HPSE2: variants seen among roughly 807,000 people sequenced by gnomAD.
HPSE2 encodes the protein inactive heparanase-2.
Under a neutral mutation model 60.5 loss-of-function variants are expected in HPSE2, and 38 were observed. The ratio of observed to expected loss-of-function variants is 0.63; its 90% CI spans 0.48 to 0.82. The LOEUF is 0.82. Among genes scored for constraint, HPSE2 ranks in the 40% least tolerant of loss-of-function variants. The pLI, the probability that HPSE2 is intolerant of heterozygous loss-of-function variation, is 0.00. For synonymous variants in HPSE2, 295 were observed against 293.2 expected (o/e 1.01, Z -0.06); for missense variants, 713 against 740.4 (o/e 0.96, Z 0.43).
chr10:98,981,534 C>T (rs1956206873), intron 3 of HPSE2, among the ~76,000 whole-genome samples: 1 of 152,130 alleles, frequency 6.6e-6, no homozygotes, highest in Non-Finnish European at 1.5e-5. Context: ...TGTTTACAGA[C>T]AGGTTCAAGA....
intron 3 of HPSE2, among the ~76,000 whole-genome samples, chr10:99,022,152 T>C (rs1007444386): frequency 4.0e-5 from 6 of 149,352 alleles, no homozygotes; most frequent in African/African-American, 1.5e-4. Flanking sequence ...CTACCAGCAG[T>C]GGCAGCTTGG....
At chr10:99,249,201 T>C in the HPSE2 span, among the ~76,000 whole-genome samples, 1 of 152,192 alleles carries the variant, frequency 6.6e-6, no homozygotes, top group Non-Finnish European at 1.5e-5. Flanking sequence ...GCTTGTACAG[T>C]GTGCCTGGGA....
At chr10:98,776,450 AAAT>A (rs1033029284) in intron 3 of HPSE2, among the ~76,000 whole-genome samples, 4 of 152,112 alleles carry the variant, frequency 2.6e-5, no homozygotes, top group African/African-American at 9.7e-5. Context: ...TCTGTCTCAA[AAAT>A]AATAATAACG....
At position 98,956,062 on chromosome 10, in the gene HPSE2, C is replaced by A. The variant is rs371242957; in HGVS notation, c.610+188176G>T. Among the ~76,000 whole-genome samples, 6 of 152,004 alleles carry A rather than the reference C, an allele frequency of 3.9e-5. No individual in the cohort carries two copies. In the South Asian group the frequency reaches 1.3e-3, roughly 32 times the overall value. On this transcript the variant is annotated intron_variant, in intron 3 of 11. Transcript: ENST00000370552. ...GCAAACCACCATGGCACACGTTTAC[C>A]CATGTAACAAACTTGAACATCCTGC...
intron 2 of HPSE2, among the ~76,000 whole-genome samples, chr10:99,224,643 G>C (rs1443271909): frequency 6.6e-6 from 1 of 152,014 alleles, no homozygotes; most frequent in Non-Finnish European, 1.5e-5. Flanking sequence ...AAAACTTTTT[G>C]AAAGAAACTG....
At chr10:98,591,089 A>G (rs1019178395) in intron 9 of HPSE2, among the ~76,000 whole-genome samples, 2 of 149,574 alleles carry the variant, frequency 1.3e-5, no homozygotes, top group Admixed American at 6.8e-5. Context: ...AGCTATATAC[A>G]TTTATTTAGA....
At chr10:98,734,337 T>A (rs183884112) in intron 4 of HPSE2, among the ~76,000 whole-genome samples, 91 of 152,308 alleles carry the variant, frequency 6.0e-4, no homozygotes, top group African/African-American at 2.0e-3. Flanking sequence ...TTTGTATGGA[T>A]GTATGTTTTC....
intron 3 of HPSE2, among the ~76,000 whole-genome samples, chr10:98,904,401 A>G (rs1485457151): frequency 6.6e-6 from 1 of 152,184 alleles, no homozygotes; most frequent in African/African-American, 2.4e-5. Flanking sequence ...GGCATGGTAG[A>G]AAACATGGTG....
intron 3 of HPSE2, among the ~76,000 whole-genome samples, chr10:98,904,467 C>A (rs1314711654): frequency 6.6e-6 from 1 of 152,040 alleles, no homozygotes; most frequent in Non-Finnish European, 1.5e-5. Context: ...TACAACCTTG[C>A]CATATATCCT....
the HPSE2 span, among the ~76,000 whole-genome samples, chr10:99,249,763 G>C: frequency 6.6e-6 from 1 of 152,162 alleles, no homozygotes; most frequent in East Asian, 1.9e-4. Context: ...TGAAAGGCCT[G>C]GTGAGAGATG....
rs558191043 is a variant in HPSE2, at chr10:98,492,451, G to A, written c.1321-2255C>T. Among the ~76,000 whole-genome samples, 4 of 145,020 alleles carry A rather than the reference G, an allele frequency of 2.8e-5. No individual in the cohort carries two copies. In the Admixed American group the frequency reaches 2.9e-4, roughly 10 times the overall value. On this transcript the variant is annotated intron_variant, in intron 9 of 11. Transcript: ENST00000370552. ...CAGGAGGCGGAGCTTGCAGTGAGCC[G>A]AGATTGCGCCACTGCACTCCAGCCT... is the stretch of plus-strand genomic sequence containing the variant.
intron 3 of HPSE2, among the ~76,000 whole-genome samples, chr10:98,843,950 A>C (rs1951977170): frequency 6.6e-6 from 1 of 152,212 alleles, no homozygotes. Context: ...TCTAATTCTG[A>C]TTAAAGACTG....
Position 98,727,693 on chromosome 10 carries a change from C to T in HPSE2, c.785-5865G>A, listed in dbSNP as rs907434313. The stretch of plus-strand genomic sequence containing the variant: ...AACAACAACAACAAAAAAAAACAAA[C>T]TAAAAATAATAAAGAGCTAAAGGAA... On this transcript the variant is annotated intron_variant, in intron 4 of 11. Transcript: ENST00000370552. Among the ~76,000 whole-genome samples the T allele has an allele frequency of 2.7e-5, 4 of 150,044 alleles. No homozygotes were observed. The Admixed American group carries it at 2.7e-4, about 10-fold the overall frequency.
intron 2 of HPSE2, among the ~76,000 whole-genome samples, chr10:99,186,053 AAAC>A (rs1847996427): frequency 6.6e-6 from 1 of 150,872 alleles, no homozygotes; most frequent in Non-Finnish European, 1.5e-5. Flanking sequence ...GACAGACAAT[AAAC>A]CATGGCCAGA....
chr10:99,165,776 A>T (rs1365751554), intron 2 of HPSE2, among the ~76,000 whole-genome samples: 1 of 151,768 alleles, frequency 6.6e-6, no homozygotes, highest in East Asian at 1.9e-4. Flanking sequence ...CGAACTCCTG[A>T]CCTGATCTGC....
At chr10:98,616,865 T>C (rs1945925507) in intron 8 of HPSE2, among the ~76,000 whole-genome samples, 1 of 152,196 alleles carries the variant, frequency 6.6e-6, no homozygotes, top group Non-Finnish European at 1.5e-5. Context: ...GGTAATCCTA[T>C]AAAATCAAGA....
At chr10:98,569,430 A>G (rs558392489) in intron 9 of HPSE2, among the ~76,000 whole-genome samples, 6 of 152,228 alleles carry the variant, frequency 3.9e-5, no homozygotes, top group Non-Finnish European at 7.3e-5. Flanking sequence ...ATGTAAAATA[A>G]ACTTAATGAT....
chr10:98,666,380 AAACT>A (rs1432508065), intron 6 of HPSE2, among the ~76,000 whole-genome samples: 2 of 152,122 alleles, frequency 1.3e-5, no homozygotes, highest in African/African-American at 4.8e-5. Flanking sequence ...TTGAGGCAGG[AAACT>A]AACTAACAAG....
intron 3 of HPSE2, among the ~76,000 whole-genome samples, chr10:98,867,473 TTTTATA>T: frequency 6.6e-6 from 1 of 152,086 alleles, no homozygotes; most frequent in Admixed American, 6.5e-5. Context: ...TCAAAATGGC[TTTTATA>T]CAAAAATCAG....
Sources: gnomAD v4.1 joint callset for allele counts (sites outside exome capture counted in the v4.1 genomes callset) on GRCh38, gnomAD v4.1.1 for gene constraint, MANE v1.5 for transcripts, NCBI Gene and HGNC (gene_info 2026-07-23, HGNC 2026-07-21) for gene names.